NPHP4: variants seen among roughly 807,000 people sequenced by gnomAD.
NPHP4 encodes nephrocystin 4.
A neutral mutation model predicts 155.8 loss-of-function variants in NPHP4; 151 were observed. The ratio of observed to expected loss-of-function variants is 0.97; its 90% CI spans 0.85 to 1.11. The LOEUF is 1.11. Ranked by LOEUF, NPHP4 falls within the 50% of genes least tolerant of loss-of-function variation. The probability of loss-of-function intolerance (pLI) is 0.00; values close to 1 mark genes in which losing one functional copy is unlikely to be tolerated. For synonymous variants in NPHP4, 845 were observed against 816.8 expected, an observed-to-expected ratio of 1.03 and a Z score of -0.59; for missense variants, 1,956 against 1,925.7, an observed-to-expected ratio of 1.02 and a Z score of -0.29.
chr1:5,901,013 T>C (rs954174286), intron 16 of NPHP4, among the ~76,000 whole-genome samples: 1 of 151,782 alleles, frequency 6.6e-6, no homozygotes, highest in Non-Finnish European at 1.5e-5. Context: ...CCAGCCTGGG[T>C]GACAGAGTAA....
chr1:5,968,115 G>A (rs1651869770), intron 4 of NPHP4, among the ~76,000 whole-genome samples: 1 of 151,848 alleles, frequency 6.6e-6, no homozygotes, highest in Non-Finnish European at 1.5e-5. Flanking sequence ...TACGAGATAT[G>A]CATTATCATT....
At chr1:5,924,482 T>C (rs1645896575) in intron 11 of NPHP4, among the ~76,000 whole-genome samples, 1 of 152,006 alleles carries the variant, frequency 6.6e-6, no homozygotes, top group South Asian at 2.1e-4. Flanking sequence ...AAACGCCTCA[T>C]GAAAACAGGG....
chr1:5,992,006 G>A (rs1656442890), intron 1 of NPHP4, among the ~76,000 whole-genome samples: 1 of 124,098 alleles, frequency 8.1e-6, no homozygotes, highest in Admixed American at 7.7e-5. Context: ...GCACCCAGCG[G>A]CCCCGACCCC....
chr1:5,919,930 A>G (rs971042333), intron 11 of NPHP4, among the ~76,000 whole-genome samples: 2 of 151,802 alleles, frequency 1.3e-5, no homozygotes, highest in Non-Finnish European at 2.9e-5. Flanking sequence ...TTACTTATCT[A>G]TCTATCTACC....
chr1:5,982,107 C>A (rs1249553700), intron 2 of NPHP4, among the ~76,000 whole-genome samples: 1 of 147,208 alleles, frequency 6.8e-6, no homozygotes, highest in Non-Finnish European at 1.5e-5. Flanking sequence ...TCTGTGTTTT[C>A]TTTTTTTTTT....
intron 5 of NPHP4, 137 bp downstream of exon 5, chr1:5,967,162 G>A: frequency 4.3e-6 from 3 of 703,252 alleles, no homozygotes; most frequent in Non-Finnish European, 7.2e-6. Context: ...CGAAACATCT[G>A]CCAAAACCTC....
chr1:5,874,773 G>T, intron 21 of NPHP4, 101 bp downstream of exon 21: 3 of 1,516,484 alleles, frequency 2.0e-6, no homozygotes, highest in East Asian at 2.3e-5. Flanking sequence ...AAGTCAAATC[G>T]CCCCGGCTCT....
At chr1:5,921,014 C>T (rs1229729055) in intron 11 of NPHP4, among the ~76,000 whole-genome samples, 1 of 152,180 alleles carries the variant, frequency 6.6e-6, no homozygotes, top group African/African-American at 2.4e-5. Context: ...TAATCCATCC[C>T]ATTTTACAGC....
At chr1:5,886,276 A>G (rs1028370007) in intron 18 of NPHP4, among the ~76,000 whole-genome samples, 1 of 152,168 alleles carries the variant, frequency 6.6e-6, no homozygotes, top group Non-Finnish European at 1.5e-5. Context: ...GCCGCCTCGG[A>G]TGTACATTCG....
intron 2 of NPHP4, 65 bp from the exon 3 acceptor site, chr1:5,978,478 G>C: frequency 6.6e-7 from 1 of 1,506,266 alleles, no homozygotes; most frequent in Non-Finnish European, 9.1e-7. Flanking sequence ...GTCACTGGCA[G>C]GCCATGTGGG....
chr1:5,975,564 C>G (rs1298777583), intron 3 of NPHP4, among the ~76,000 whole-genome samples: 3 of 152,180 alleles, frequency 2.0e-5, no homozygotes, highest in Non-Finnish European at 2.9e-5. Context: ...GGGCCCATCC[C>G]CAGCCTCAAC....
intron 11 of NPHP4, among the ~76,000 whole-genome samples, chr1:5,912,664 T>C (rs968728258): frequency 1.3e-5 from 2 of 152,180 alleles, no homozygotes; most frequent in African/African-American, 4.8e-5. Context: ...TATTCCTACA[T>C]TGCCCATAAA....
rs764039659 is a variant in NPHP4, at chr1:5,905,474, C to T, written c.1773G>A (p.Gly591=). The T allele has an allele frequency of 1.6e-5, 26 of 1,602,036 alleles. No individual in the cohort carries two copies. The East Asian group carries it at 2.0e-4, about 12-fold the overall frequency. The change falls in exon 15 of 30, where the codon GGG becomes GGA. Residue 591 remains glycine (G), a synonymous_variant. Coordinates refer to ENST00000378156, the MANE Select transcript of NPHP4 (RefSeq NM_015102.5). This position sits in a 1 kb window ranked among gnomAD's most constrained non-coding sequence, Gnocchi z 4.0. ...GCACCATGGAGGCTCTCGAGGGCTGCCCTGCAGAGCTGAGACACAGAGACT... is the reference window on the plus strand; with the variant it reads ...GCACCATGGAGGCTCTCGAGGGCTGTCCTGCAGAGCTGAGACACAGAGACT... ...VVGTQTRSSA[G]QPSRASMVLL... is the part of the protein sequence containing the mutation.
intron 23 of NPHP4, among the ~76,000 whole-genome samples, chr1:5,872,749 AAAC>A (rs1389940471): frequency 6.6e-6 from 1 of 152,250 alleles, no homozygotes; most frequent in African/African-American, 2.4e-5. Flanking sequence ...ACCGAATAAA[AAAC>A]AACCTTCAGA....
Position 5,874,906 on chromosome 1 carries a change from C to T in NPHP4, c.3012G>A (p.Thr1004=), listed in dbSNP as rs185162256. Residue 1004 remains threonine (T), a synonymous_variant, in exon 21 of 30, where the codon ACG becomes ACA. Transcript: ENST00000378156. ...VLKNPHNTQH[T]VTVEIDNPEL... ...CGGGGTTGTCGATCTCCACAGTCAC[C>T]GTGTGCTGTGTGTTGTGGGGGTTCT... The T allele has an allele frequency of 6.1e-5, 98 of 1,613,844 alleles. No homozygotes were observed. Among genetic ancestry groups the T allele is most frequent in the Admixed American group, 1.3e-4 (8 of 60,028 alleles).
chr1:5,990,073 C>T (rs11577700), intron 1 of NPHP4, among the ~76,000 whole-genome samples: 26,147 of 152,178 alleles, frequency 0.17, 2,356 homozygotes, highest in African/African-American at 0.22. Context: ...CACTGCCATC[C>T]CAGCACCTCA....
At position 5,986,372 on chromosome 1, in the gene NPHP4, C is replaced by G. The variant is rs1295111; in HGVS notation, c.-38-45G>C. 0.39 allele frequency: 586,805 copies of G among 1,492,740 alleles called. 115,726 individuals are homozygous for G. Among genetic ancestry groups the G allele is most frequent in the African/African-American group, 0.5 (35,806 of 72,186 alleles). 92.5% of individuals were successfully genotyped at this position (1,492,740 alleles called of 1,614,324 possible). Reference sequence around the variant, plus strand: ...ATAAAGAGAAGAGCTGTGAGGGCTACAGTGGTCACAGCAATCCTGAAGGCT... The same window carrying G: ...ATAAAGAGAAGAGCTGTGAGGGCTAGAGTGGTCACAGCAATCCTGAAGGCT... On this transcript the variant is annotated intron_variant, in intron 1 of 29. Transcript: ENST00000378156.
chr1:5,941,627 T>A (rs2101856647), intron 9 of NPHP4, among the ~76,000 whole-genome samples: 1 of 152,326 alleles, frequency 6.6e-6, no homozygotes, highest in Non-Finnish European at 1.5e-5. Context: ...TAAGTAGAGA[T>A]GAAGATGAGC....
intron 2 of NPHP4, 96 bp downstream of exon 2, chr1:5,986,059 A>G: frequency 5.7e-6 from 8 of 1,411,840 alleles, no homozygotes; most frequent in Non-Finnish European, 7.9e-6. Context: ...ATCAAAAATC[A>G]AAGCATCGTA....
Sources: gnomAD v4.1 joint callset for allele counts (sites outside exome capture counted in the v4.1 genomes callset) on GRCh38, gnomAD v4.1.1 for gene constraint, Gnocchi (gnomAD v3.1) non-coding constraint, MANE v1.5 for transcripts, NCBI Gene and HGNC (gene_info 2026-07-23, HGNC 2026-07-21) for gene names.